The following CLSTN2 variants were observed in gnomAD, a reference collection of about 807,000 sequenced individuals.
CLSTN2 encodes the protein calsyntenin-2.
A neutral mutation model predicts 101.2 loss-of-function variants in CLSTN2; 48 were observed. The ratio of observed to expected loss-of-function variants is 0.47; its 90% CI spans 0.38 to 0.60. The LOEUF is 0.60. CLSTN2 is among the 20% of genes least tolerant of loss of function. CLSTN2 has a pLI of 0.00. For missense variants in CLSTN2, 1,160 were observed against 1,238.2 expected, an observed-to-expected ratio of 0.94 and a Z score of 0.95; for synonymous variants, 481 against 463.6, an observed-to-expected ratio of 1.04 and a Z score of -0.48.
At chr3:140,156,564 T>C (rs552235991) in intron 1 of CLSTN2, among the ~76,000 whole-genome samples, 252 of 152,318 alleles carry the variant, frequency 1.7e-3, no homozygotes, top group Non-Finnish European at 2.7e-3. Flanking sequence ...TGCTGGGCAG[T>C]GAAAGATCTT....
chr3:140,293,989 A>G (rs1277612717), intron 2 of CLSTN2, among the ~76,000 whole-genome samples: 1 of 152,148 alleles, frequency 6.6e-6, no homozygotes, highest in Non-Finnish European at 1.5e-5. Flanking sequence ...ACCCAGATTT[A>G]CTCTGTGCCC....
chr3:140,153,476 C>G (rs2009901349), intron 1 of CLSTN2, among the ~76,000 whole-genome samples: 1 of 152,242 alleles, frequency 6.6e-6, no homozygotes, highest in South Asian at 2.1e-4. Flanking sequence ...CCTGCTCACT[C>G]TTCTCCACCA....
rs1188768856 is a variant in CLSTN2, at chr3:140,403,820, C to A, written c.424C>A (p.His142Asn). Residue 142 changes from histidine to asparagine, a missense_variant, in exon 3 of 17, where the codon CAC (histidine) becomes AAC (asparagine). His to Asn is a moderately conservative substitution (Grantham distance 68, BLOSUM62 1). Transcript: ENST00000458420. Reference protein sequence around the residue: ...GPHETAWKKSHKAVVHIQVKD... With the variant: ...GPHETAWKKSNKAVVHIQVKD... ...CCACGAGACAGCCTGGAAAAAGTCA[C>A]ACAAGTGAGTGGCCTGACAGAGCCC... 6.2e-7 allele frequency: 1 copy of A among 1,608,720 alleles called. No individual in the cohort carries two copies. Among genetic ancestry groups the A allele is most frequent in the Non-Finnish European group, 8.5e-7 (1 of 1,176,636 alleles).
At chr3:140,540,571 A>G (rs1430896963) in intron 9 of CLSTN2, among the ~76,000 whole-genome samples, 1 of 152,174 alleles carries the variant, frequency 6.6e-6, no homozygotes, top group Non-Finnish European at 1.5e-5. Context: ...GCATCCATGA[A>G]ATTGTGTTCA....
chr3:140,242,789 T>TG (rs2086481685), intron 2 of CLSTN2, among the ~76,000 whole-genome samples: 1 of 152,190 alleles, frequency 6.6e-6, no homozygotes, highest in South Asian at 2.1e-4. Flanking sequence ...CAATGGCCTC[T>TG]GGAGGAAAAG....
chr3:140,562,786 T>C (rs1273112164), intron 13 of CLSTN2, 25 bp from the exon 14 acceptor site: 1 of 1,611,844 alleles, frequency 6.2e-7, no homozygotes, highest in African/African-American at 1.3e-5. Context: ...TGCCTTCTGA[T>C]GACAGGTGTG....
chr3:140,564,273 C>T, intron 16 of CLSTN2, 128 bp downstream of exon 16: 1 of 755,502 alleles, frequency 1.3e-6, no homozygotes, highest in Non-Finnish European at 2.2e-6. Context: ...TAGTCCAGCT[C>T]CACTGATTCT....
intron 8 of CLSTN2, among the ~76,000 whole-genome samples, chr3:140,469,481 T>A (rs553582142): frequency 6.6e-6 from 1 of 152,224 alleles, no homozygotes; most frequent in East Asian, 1.9e-4. Context: ...TTCTTGGGTG[T>A]AAATCACTTG....
chr3:140,511,075 C>T (rs1033357424), intron 8 of CLSTN2, among the ~76,000 whole-genome samples: 1 of 152,160 alleles, frequency 6.6e-6, no homozygotes, highest in African/African-American at 2.4e-5. Context: ...TCTATGTGTT[C>T]TCATCATTCA....
At chr3:140,348,674 A>G (rs1051440751) in intron 2 of CLSTN2, among the ~76,000 whole-genome samples, 2 of 152,232 alleles carry the variant, frequency 1.3e-5, no homozygotes, top group South Asian at 4.1e-4. Context: ...ATAAAATTTC[A>G]TACAAGAAGA....
chr3:140,472,760 A>T (rs1047791828), intron 8 of CLSTN2, among the ~76,000 whole-genome samples: 3 of 152,210 alleles, frequency 2.0e-5, no homozygotes, highest in Admixed American at 2.0e-4. Context: ...ATGACATCAA[A>T]TTGCAGGGTT....
chr3:140,536,930 A>G (rs1935371826), intron 9 of CLSTN2, among the ~76,000 whole-genome samples: 1 of 152,198 alleles, frequency 6.6e-6, no homozygotes. Context: ...GATTCCCACA[A>G]ATATTCACAT....
chr3:140,562,358 T>A (rs774125289), intron 13 of CLSTN2, 50 bp downstream of exon 13: 19 of 1,541,188 alleles, frequency 1.2e-5, no homozygotes, highest in Non-Finnish European at 1.4e-5. Flanking sequence ...TCTTAGAATG[T>A]CCTTGTCCAG....
intron 2 of CLSTN2, among the ~76,000 whole-genome samples, chr3:140,225,304 A>G: frequency 6.6e-6 from 1 of 152,136 alleles, no homozygotes; most frequent in Non-Finnish European, 1.5e-5. Flanking sequence ...CACACATCCC[A>G]TTATCTGGCT....
chr3:140,029,642 A>G (rs1317045886), intron 1 of CLSTN2, among the ~76,000 whole-genome samples: 1 of 152,226 alleles, frequency 6.6e-6, no homozygotes, highest in Admixed American at 6.5e-5. Context: ...ATCTGTATAT[A>G]AGAAATGCAC....
At chr3:140,366,530 C>T (rs375860330) in intron 2 of CLSTN2, among the ~76,000 whole-genome samples, 5 of 152,226 alleles carry the variant, frequency 3.3e-5, no homozygotes, top group South Asian at 2.1e-4. Flanking sequence ...GAGGAGGACC[C>T]GCTTGTATAG....
At chr3:140,392,618 A>G (rs907889937) in intron 2 of CLSTN2, among the ~76,000 whole-genome samples, 19 of 152,270 alleles carry the variant, frequency 1.2e-4, no homozygotes, top group African/African-American at 4.6e-4. Context: ...CATTCTGGCT[A>G]GTGGCTTCTG....
At chr3:140,184,277 G>A (rs1375149340) in intron 2 of CLSTN2, among the ~76,000 whole-genome samples, 1 of 152,202 alleles carries the variant, frequency 6.6e-6, no homozygotes, top group East Asian at 1.9e-4. Flanking sequence ...ACACTGCTAT[G>A]TAAAGAACTT....
intron 2 of CLSTN2, among the ~76,000 whole-genome samples, chr3:140,339,118 C>G (rs1339950286): frequency 6.6e-6 from 1 of 152,128 alleles, no homozygotes; most frequent in Non-Finnish European, 1.5e-5. Flanking sequence ...TGTGTGGGCT[C>G]AAGGTGGACA....
Sources: gnomAD v4.1 joint callset for allele counts (sites outside exome capture counted in the v4.1 genomes callset) on GRCh38, gnomAD v4.1.1 for gene constraint, MANE v1.5 for transcripts, NCBI Gene and HGNC (gene_info 2026-07-23, HGNC 2026-07-21) for gene names.